SPPL3: variants seen among roughly 807,000 people sequenced by gnomAD.
SPPL3 encodes the protein signal peptide peptidase like 3, also known as signal peptide peptidase-like 3.
In SPPL3, 5 loss-of-function variants were observed where a neutral mutation model predicts 42.4. That is an observed-to-expected ratio of 0.12 (90% confidence interval 0.06 to 0.25). The LOEUF (loss-of-function observed/expected upper bound fraction) is 0.25. Ranked by LOEUF, SPPL3 falls within the 10% of genes least tolerant of loss-of-function variation. SPPL3 has a pLI of 1.00. For synonymous variants in SPPL3, 195 were observed against 181.8 expected (o/e 1.07, Z -0.58); for missense variants, 235 against 489.0 (o/e 0.48, Z 4.90).
At chr12:120,783,406 A>G (rs1869607975) in intron 5 of SPPL3, among the ~76,000 whole-genome samples, 1 of 152,230 alleles carries the variant, frequency 6.6e-6, no homozygotes, top group African/African-American at 2.4e-5. Context: ...GTTTCAAAAG[A>G]AAACTGCTCA....
At chr12:120,772,392 C>G (rs1869157436) in intron 6 of SPPL3, among the ~76,000 whole-genome samples, 2 of 152,282 alleles carry the variant, frequency 1.3e-5, no homozygotes, top group South Asian at 4.2e-4. Flanking sequence ...ATTCTATGAC[C>G]TTGTGAATAT....
In SPPL3 at chr12:120,823,058, C is replaced by T. The variant is rs576564848; in HGVS notation, c.24-12172G>A. Among the ~76,000 whole-genome samples the T allele has an allele frequency of 5.3e-5, 8 of 151,850 alleles. No homozygotes were observed. The South Asian group carries it at 6.3e-4, about 12-fold the overall frequency. On this transcript the variant is annotated intron_variant, in intron 1 of 10. Coordinates refer to ENST00000353487, the MANE Select transcript of SPPL3 (RefSeq NM_139015.5). ...CAGCATGGAGGCCTATGTGACAGTGCGACCTGCTGGGAGTTCACAAAGTAG... is the reference window on the plus strand; with the variant it reads ...CAGCATGGAGGCCTATGTGACAGTGTGACCTGCTGGGAGTTCACAAAGTAG...
At chr12:120,898,940 C>CAGGG (rs1873889790) in intron 1 of SPPL3, among the ~76,000 whole-genome samples, 2 of 152,156 alleles carry the variant, frequency 1.3e-5, no homozygotes, top group African/African-American at 2.4e-5. Context: ...TAATGTTGAG[C>CAGGG]AGGGGTTCAA....
rs569263919 is a variant in SPPL3 at position 120,889,284 on chromosome 12, GT to G, written c.23+14560del. The stretch of plus-strand genomic sequence containing the variant: ...TGAAACAGAAGAGGGAACTTTAACT[GT>G]GGTAGATTGCATTAGAGGCATTAAT... On this transcript the variant is annotated intron_variant, in intron 1 of 10. Coordinates refer to ENST00000353487, the MANE Select transcript of SPPL3 (RefSeq NM_139015.5). 1.1e-4 allele frequency among the ~76,000 whole-genome samples: 16 copies of G among 152,332 alleles called. No individual in the cohort carries two copies. In the East Asian group the frequency reaches 3.1e-3, roughly 29 times the overall value.
At chr12:120,879,216 C>T (rs1873208287) in intron 1 of SPPL3, among the ~76,000 whole-genome samples, 1 of 151,520 alleles carries the variant, frequency 6.6e-6, no homozygotes, top group Non-Finnish European at 1.5e-5. Flanking sequence ...CAGTCACATG[C>T]AATTCACCTC....
intron 1 of SPPL3, among the ~76,000 whole-genome samples, chr12:120,823,097 T>C (rs112055761): frequency 5.2e-4 from 78 of 150,906 alleles, no homozygotes; most frequent in Admixed American, 1.3e-3. Flanking sequence ...AGCAGTTCAG[T>C]TGGGCTAGAG....
intron 1 of SPPL3, among the ~76,000 whole-genome samples, chr12:120,839,681 ACTAGT>A (rs1309735562): frequency 6.6e-6 from 1 of 152,202 alleles, no homozygotes; most frequent in Non-Finnish European, 1.5e-5. Context: ...CTTTCACTGG[ACTAGT>A]CAACAACTAT....
chr12:120,840,125 A>G (rs1262998653), intron 1 of SPPL3, among the ~76,000 whole-genome samples: 1 of 151,866 alleles, frequency 6.6e-6, no homozygotes, highest in Non-Finnish European at 1.5e-5. Flanking sequence ...CTAAAAATAC[A>G]AAAATTATCT....
At chr12:120,812,106 G>GAA (rs11406013) in intron 1 of SPPL3, among the ~76,000 whole-genome samples, 5,024 of 140,636 alleles carry the variant, frequency 0.036, 136 homozygotes, top group South Asian at 0.057. Flanking sequence ...CCATTTAGTG[G>GAA]AAAAAAAAAA....
At chr12:120,879,118 A>AAG (rs1300416028) in intron 1 of SPPL3, among the ~76,000 whole-genome samples, 1 of 127,028 alleles carries the variant, frequency 7.9e-6, no homozygotes, top group Non-Finnish European at 1.5e-5. Context: ...TGTCTCAAAA[A>AAG]AAAAAAAAAA....
chr12:120,834,529 T>C (rs963784602), intron 1 of SPPL3, among the ~76,000 whole-genome samples: 1 of 152,154 alleles, frequency 6.6e-6, no homozygotes, highest in African/African-American at 2.4e-5. Flanking sequence ...AGGAGAACCA[T>C]GGATGTTGCC....
At position 120,767,604 on chromosome 12, in the gene SPPL3, G is replaced by A. The variant is rs202060693; in HGVS notation, c.774-11C>T. 31 of 1,613,654 alleles carry A rather than the reference G, an allele frequency of 1.9e-5. No individual in the cohort carries two copies. The highest frequency in any genetic ancestry group is 2.6e-5 in the Non-Finnish European group (31 of 1,179,732). On this transcript the variant is annotated splice_polypyrimidine_tract_variant and intron_variant, in intron 8 of 10. Transcript: ENST00000353487. ...TGGCTGCCAGTGGAGCTGGAATGCAGTTTCACAGGTTAGTGACGTCACACT... is the reference window on the plus strand; with the variant it reads ...TGGCTGCCAGTGGAGCTGGAATGCAATTTCACAGGTTAGTGACGTCACACT...
intron 1 of SPPL3, among the ~76,000 whole-genome samples, chr12:120,896,667 T>G (rs1054265243): frequency 2.0e-5 from 3 of 151,862 alleles, no homozygotes; most frequent in African/African-American, 4.8e-5. Flanking sequence ...TAATCCCAGA[T>G]ACTTGGGAGG....
chr12:120,873,876 AAATT>A (rs763868893), intron 1 of SPPL3, among the ~76,000 whole-genome samples: 12 of 152,134 alleles, frequency 7.9e-5, no homozygotes, highest in African/African-American at 2.2e-4. Context: ...CATCTCAAAA[AAATT>A]AATTAATTAA....
At position 120,767,582 on chromosome 12, in the gene SPPL3, C is replaced by G. The variant is rs1446260410; in HGVS notation, c.785G>C (p.Ser262Thr). The change falls in exon 9 of 11, where the codon AGC (serine) becomes ACC (threonine). Residue 262 changes from serine to threonine, a missense_variant. Physicochemically the swap from Ser to Thr is moderately conservative, Grantham distance 58 (BLOSUM62 1). Transcript: ENST00000353487. ...TCCGATGCCCAACATGGAGAAGTGGCTGCCAGTGGAGCTGGAATGCAGTTT... is the reference window on the plus strand; with the variant it reads ...TCCGATGCCCAACATGGAGAAGTGGGTGCCAGTGGAGCTGGAATGCAGTTT... ...GKLVFPSSTGSHFSMLGIGDI... is the reference protein window; with the variant it reads ...GKLVFPSSTGTHFSMLGIGDI... 10 of 1,613,964 alleles carry G rather than the reference C, an allele frequency of 6.2e-6. No homozygotes were observed. The highest frequency in any genetic ancestry group is 8.5e-6 in the Non-Finnish European group (10 of 1,179,956).
intron 1 of SPPL3, among the ~76,000 whole-genome samples, chr12:120,817,560 G>A (rs1870923986): frequency 6.6e-6 from 1 of 152,120 alleles, no homozygotes; most frequent in East Asian, 1.9e-4. Context: ...CTTACCCTGG[G>A]TAGCAACTCT....
At chr12:120,828,963 A>G (rs1401470850) in intron 1 of SPPL3, among the ~76,000 whole-genome samples, 1 of 151,706 alleles carries the variant, frequency 6.6e-6, no homozygotes, top group Non-Finnish European at 1.5e-5. Context: ...GGGTCTCTCT[A>G]TGTTGCCCAG....
At chr12:120,880,322 T>C (rs1399245246) in intron 1 of SPPL3, among the ~76,000 whole-genome samples, 1 of 151,872 alleles carries the variant, frequency 6.6e-6, no homozygotes, top group African/African-American at 2.4e-5. Flanking sequence ...TAAAAACCCT[T>C]AGAAGAAAAA....
At chr12:120,801,539 G>T (rs1165249996) in intron 2 of SPPL3, among the ~76,000 whole-genome samples, 4 of 151,954 alleles carry the variant, frequency 2.6e-5, no homozygotes, top group Non-Finnish European at 5.9e-5. Context: ...GGATTCAGGG[G>T]GCACAGAGGA....
Sources: gnomAD v4.1 joint callset for allele counts (sites outside exome capture counted in the v4.1 genomes callset) on GRCh38, gnomAD v4.1.1 for gene constraint, MANE v1.5 for transcripts, NCBI Gene and HGNC (gene_info 2026-07-23, HGNC 2026-07-21) for gene names.